Variants in KRAS observed in about 807,000 individuals in gnomAD.
KRAS encodes GTPase KRas.
A neutral mutation model predicts 21.0 loss-of-function variants in KRAS; 1 was observed. That is an observed-to-expected ratio of 0.05 (90% confidence interval 0.02 to 0.23). KRAS has a LOEUF of 0.23. KRAS is among the 10% of genes least tolerant of loss of function. KRAS has a pLI of 1.00. For missense variants in KRAS, 107 were observed against 221.8 expected (o/e 0.48, Z 3.29); for synonymous variants, 67 against 72.5 (o/e 0.92, Z 0.39).
intron 4 of KRAS, among the ~76,000 whole-genome samples, chr12:25,223,126 T>C (rs1951349005): frequency 6.6e-6 from 1 of 152,180 alleles, no homozygotes; most frequent in Admixed American, 6.5e-5. Context: ...CCTTAAAACA[T>C]TATGCAAAGT....
intron 4 of KRAS, among the ~76,000 whole-genome samples, chr12:25,211,402 C>T (rs974074619): frequency 3.9e-5 from 6 of 152,102 alleles, no homozygotes; most frequent in African/African-American, 4.8e-5. Context: ...TGGTGAAACC[C>T]TGTCTCTACT....
intron 2 of KRAS, among the ~76,000 whole-genome samples, chr12:25,235,477 T>C (rs772071607): frequency 1.6e-4 from 24 of 152,200 alleles, no homozygotes; most frequent in Non-Finnish European, 3.2e-4. Flanking sequence ...GAAACACTTA[T>C]TGAAAATCTA....
intron 4 of KRAS, among the ~76,000 whole-genome samples, chr12:25,216,527 G>C (rs1037895455): frequency 6.6e-6 from 1 of 152,074 alleles, no homozygotes; most frequent in South Asian, 2.1e-4. Flanking sequence ...CGCCCACCTT[G>C]GCCTCCTAAG....
At chr12:25,227,564 G>A (rs2141511041) in intron 2 of KRAS, 152 bp from the exon 3 acceptor site, 1 of 652,472 alleles carries the variant, frequency 1.5e-6, no homozygotes, top group South Asian at 1.9e-5. Flanking sequence ...ACGGACAAAT[G>A]GCCACTAAGC....
intron 4 of KRAS, chr12:25,225,084 T>C (rs1951373450): frequency 6.6e-6 from 1 of 151,842 alleles, no homozygotes; most frequent in Non-Finnish European, 1.5e-5. Flanking sequence ...GAAAAATGCA[T>C]TAAATGAGTA....
intron 1 of KRAS, among the ~76,000 whole-genome samples, chr12:25,249,350 C>T (rs897801608): frequency 6.6e-6 from 1 of 151,902 alleles, no homozygotes; most frequent in Admixed American, 6.6e-5. Flanking sequence ...TGAGCCGAGA[C>T]GGCGCCACTG....
At chr12:25,236,144 G>A (rs969654031) in intron 2 of KRAS, among the ~76,000 whole-genome samples, 8 of 152,044 alleles carry the variant, frequency 5.3e-5, no homozygotes, top group Admixed American at 5.2e-4. Flanking sequence ...GCACCAAGAA[G>A]TGAAACTGGA....
At chr12:25,215,270 T>A in intron 4 of KRAS, 1 of 765,482 alleles carries the variant, frequency 1.3e-6, no homozygotes, top group Non-Finnish European at 1.6e-6. Flanking sequence ...TATAATTAAT[T>A]CCCACTAGAT....
intron 3 of KRAS, among the ~76,000 whole-genome samples, chr12:25,226,211 G>T (rs1169664440): frequency 1.3e-5 from 2 of 152,102 alleles, no homozygotes; most frequent in African/African-American, 4.8e-5. Flanking sequence ...TGGACAACTA[G>T]AAAGATTTTG....
At chr12:25,215,566 T>C (rs778420725) in intron 4 of KRAS, 14 of 1,607,226 alleles carry the variant, frequency 8.7e-6, no homozygotes, top group Non-Finnish European at 1.2e-5. Flanking sequence ...ACTCTCTGCA[T>C]TGTAAAACAC....
At chr12:25,218,079 T>C (rs545767877) in intron 4 of KRAS, among the ~76,000 whole-genome samples, 3 of 152,272 alleles carry the variant, frequency 2.0e-5, no homozygotes, top group African/African-American at 7.2e-5. Context: ...ATGAGCTCTG[T>C]TAAGATACTT....
chr12:25,229,337 T>G (rs1453588414), intron 2 of KRAS, among the ~76,000 whole-genome samples: 2 of 152,150 alleles, frequency 1.3e-5, no homozygotes, highest in African/African-American at 2.4e-5. Flanking sequence ...AAGGCACACA[T>G]AAGGAAATGG....
chr12:25,237,036 A>G (rs1951552766), intron 2 of KRAS, among the ~76,000 whole-genome samples: 1 of 152,240 alleles, frequency 6.6e-6, no homozygotes, highest in Non-Finnish European at 1.5e-5. Context: ...AGGTATATCC[A>G]TATAACAGAG....
intron 1 of KRAS, among the ~76,000 whole-genome samples, chr12:25,248,724 C>A (rs1469855914): frequency 2.6e-5 from 4 of 151,998 alleles, no homozygotes; most frequent in African/African-American, 9.7e-5. Context: ...GGGAGGGGAT[C>A]CCTCACCGAG....
At chr12:25,246,956 G>C (rs1330450940) in intron 1 of KRAS, among the ~76,000 whole-genome samples, 2 of 151,692 alleles carry the variant, frequency 1.3e-5, no homozygotes, top group African/African-American at 4.8e-5. Flanking sequence ...TCAGTAATCA[G>C]TAATCCATGT....
rs187793183 is a variant in KRAS at position 25,221,172 on chromosome 12, A to G, written c.450+4442T>C. 3.1e-3 allele frequency among the ~76,000 whole-genome samples: 465 copies of G among 152,256 alleles called. 8 individuals carry two copies. The highest frequency in any genetic ancestry group is 0.011 in the African/African-American group (444 of 41,532). On this transcript the variant is annotated intron_variant, in intron 4 of 4. Transcript: ENST00000311936. ...AACTTCTAGTAGCTAATCAAACACT[A>G]AAGTTACCCAGAGAATTAGGAATCA... is the stretch of plus-strand genomic sequence containing the variant.
chr12:25,244,756 C>A (rs895997708), intron 2 of KRAS, among the ~76,000 whole-genome samples: 1 of 151,796 alleles, frequency 6.6e-6, no homozygotes, highest in African/African-American at 2.4e-5. Context: ...GGTAATAGTA[C>A]CTTTATATAA....
At chr12:25,220,734 A>AG (rs1951310898) in intron 4 of KRAS, among the ~76,000 whole-genome samples, 1 of 151,096 alleles carries the variant, frequency 6.6e-6, no homozygotes, top group Admixed American at 6.6e-5. Context: ...AAAAAAAAAA[A>AG]ATACTAGAGA....
In KRAS at chr12:25,227,264, G is replaced by A. The variant is rs2141509469; in HGVS notation, c.260C>T (p.Thr87Ile). Residue 87 changes from threonine (T) to isoleucine (I), a missense_variant, in exon 3 of 5, where the codon ACT becomes ATT. Physicochemically the swap from Thr to Ile is moderately conservative, Grantham distance 89. This residue lies in a region of KRAS where 42 missense variants were observed against 139.4 expected (regional missense o/e 0.30). Transcript: ENST00000311936. ...GFLCVFAINNTKSFEDIHHYR... is the reference protein window; with the variant it reads ...GFLCVFAINNIKSFEDIHHYR... ...ATGGTGAATATCTTCAAATGATTTA[G>A]TATTATTTATGGCAAATACACAAAG... 6.2e-7 allele frequency: 1 copy of A among 1,613,318 alleles called. No individual in the cohort carries two copies. Among genetic ancestry groups the A allele is most frequent in the South Asian group, 1.1e-5 (1 of 91,070 alleles).
Sources: allele counts gnomAD v4.1 joint callset (sites outside exome capture counted in the v4.1 genomes callset), GRCh38; gene constraint gnomAD v4.1.1; regional missense constraint gnomAD v4.1.1; transcripts MANE v1.5; gene names NCBI Gene and HGNC (gene_info 2026-07-23, HGNC 2026-07-21).